The following GPAT3 variants were observed in gnomAD, a reference collection of about 807,000 sequenced individuals.
GPAT3 encodes the protein 1-AGP acyltransferase 9.
In GPAT3, 53 loss-of-function variants were observed where a neutral mutation model predicts 58.8. That is an observed-to-expected ratio of 0.90 (90% CI 0.72 to 1.13). The LOEUF is 1.13. Among genes scored for constraint, GPAT3 ranks in the 50% most tolerant of loss-of-function variants. GPAT3 has a pLI of 0.00. For synonymous variants in GPAT3, 197 were observed against 187.4 expected (o/e 1.05, Z -0.42); for missense variants, 511 against 527.6 (o/e 0.97, Z 0.31).
chr4:83,578,948 T>TTTCTTTC (rs1553946756), intron 2 of GPAT3, among the ~76,000 whole-genome samples: 4,808 of 71,846 alleles, frequency 0.067, 756 homozygotes, highest in South Asian at 0.091. Context: ...TTTTCTTTTC[T>TTTCTTTC]TTTCTTTCTT....
intron 2 of GPAT3, among the ~76,000 whole-genome samples, chr4:83,570,068 A>G (rs1347152213): frequency 1.3e-5 from 2 of 152,170 alleles, no homozygotes; most frequent in East Asian, 3.9e-4. Context: ...TATTGACGAG[A>G]AATATCTTAC....
intron 2 of GPAT3, among the ~76,000 whole-genome samples, chr4:83,569,354 T>TAG (rs1436281777): frequency 6.6e-6 from 1 of 152,208 alleles, no homozygotes; most frequent in Non-Finnish European, 1.5e-5. Flanking sequence ...CCTGGAGTGA[T>TAG]GACTGAGAAG....
intron 1 of GPAT3, among the ~76,000 whole-genome samples, chr4:83,539,959 A>G (rs1276078645): frequency 6.6e-6 from 1 of 152,094 alleles, no homozygotes; most frequent in Middle Eastern, 3.2e-3. Flanking sequence ...GGAATTTGAG[A>G]CCGGCCTAGC....
chr4:83,562,451 T>C lies in GPAT3; in HGVS notation c.208+17849T>C, dbSNP rs1269220773. Among the ~76,000 whole-genome samples, 3 of 150,832 alleles carry C rather than the reference T, an allele frequency of 2.0e-5. No individual in the cohort carries two copies. In the Admixed American group the frequency reaches 2.0e-4, roughly 10 times the overall value. ...TATGAGTGGCATTAGACAGGATGTGTGTGGGAGAAGTGGAGAAAGGAGGCG... is the reference window on the plus strand; with the variant it reads ...TATGAGTGGCATTAGACAGGATGTGCGTGGGAGAAGTGGAGAAAGGAGGCG... On this transcript the variant is annotated intron_variant, in intron 2 of 11. Coordinates refer to ENST00000264409, the MANE Select transcript of GPAT3 (RefSeq NM_032717.5).
At chr4:83,579,107 C>CCT (rs1726002434) in intron 2 of GPAT3, among the ~76,000 whole-genome samples, 1 of 113,078 alleles carries the variant, frequency 8.8e-6, no homozygotes. Context: ...TCCTTCCTTC[C>CCT]TTCCTTCCTT....
rs1178238200 is a variant in GPAT3, at chr4:83,536,555, T to A, written c.-68T>A. 4.5e-6 allele frequency: 7 copies of A among 1,562,954 alleles called. No individual in the cohort carries two copies. Among genetic ancestry groups the A allele is most frequent in the Non-Finnish European group, 4.3e-6 (5 of 1,152,592 alleles). Reference sequence around the variant, plus strand: ...CTCCTGGAGCTCCCGCGGGACTGCCTGGGGACAGGGACTGCTGTGGCGCTC... The same window carrying A: ...CTCCTGGAGCTCCCGCGGGACTGCCAGGGGACAGGGACTGCTGTGGCGCTC... On this transcript the variant is annotated 5_prime_UTR_variant, in exon 1 of 12. Coordinates refer to ENST00000264409, the MANE Select transcript of GPAT3 (RefSeq NM_032717.5).
chr4:83,547,485 C>CT (rs1724584484), intron 2 of GPAT3, among the ~76,000 whole-genome samples: 1 of 151,964 alleles, frequency 6.6e-6, no homozygotes, highest in African/African-American at 2.4e-5. Context: ...ATCTCCTGAC[C>CT]TTGTGATCTG....
intron 7 of GPAT3, among the ~76,000 whole-genome samples, chr4:83,596,523 G>A (rs1216773305): frequency 1.3e-5 from 2 of 152,082 alleles, no homozygotes; most frequent in African/African-American, 2.4e-5. Context: ...TTGGGAGGCT[G>A]AGGAGGGAGG....
intron 1 of GPAT3, among the ~76,000 whole-genome samples, chr4:83,542,574 A>G (rs1332422713): frequency 2.0e-5 from 3 of 152,192 alleles, no homozygotes; most frequent in Admixed American, 6.5e-5. Context: ...CCTGACCTTG[A>G]TGTACGTTTT....
chr4:83,598,180 G>GT lies in GPAT3; in HGVS notation c.1125+2dup. The stretch of plus-strand genomic sequence containing the variant: ...GTACATGCCCCCCATGACCAGAGAG[G>GT]TATTCCTTAGCTAACACTTTATCTA... On this transcript the variant is annotated splice_donor_variant, in intron 10 of 11. Transcript: ENST00000264409. LOFTEE classifies it high-confidence loss of function. 1 of 1,611,864 alleles carries GT rather than the reference G, an allele frequency of 6.2e-7. No homozygotes were observed. The highest frequency in any genetic ancestry group is 8.5e-7 in the Non-Finnish European group (1 of 1,179,368).
intron 2 of GPAT3, among the ~76,000 whole-genome samples, chr4:83,571,019 C>T (rs1310229940): frequency 6.6e-6 from 1 of 152,126 alleles, no homozygotes; most frequent in African/African-American, 2.4e-5. Flanking sequence ...TTTCTGTCAT[C>T]GTCTGTTTTT....
intron 1 of GPAT3, among the ~76,000 whole-genome samples, chr4:83,537,621 G>A (rs1481002604): frequency 2.1e-4 from 30 of 141,226 alleles, no homozygotes; most frequent in East Asian, 6.0e-4. Flanking sequence ...GTGTGTGTGT[G>A]TGTGTATATT....
chr4:83,596,512 C>T (rs1374200959), intron 7 of GPAT3, among the ~76,000 whole-genome samples: 3 of 151,956 alleles, frequency 2.0e-5, no homozygotes, highest in African/African-American at 7.3e-5. Flanking sequence ...GTTCCAGCTA[C>T]TTGGGAGGCT....
intron 2 of GPAT3, 72 bp downstream of exon 2, chr4:83,544,674 T>G: frequency 7.2e-7 from 1 of 1,398,332 alleles, no homozygotes; most frequent in Non-Finnish European, 1.0e-6. Flanking sequence ...CAATTTGAAC[T>G]TGAAATATGC....
chr4:83,551,007 C>T (rs575020702), intron 2 of GPAT3, among the ~76,000 whole-genome samples: 2 of 152,298 alleles, frequency 1.3e-5, no homozygotes, highest in Admixed American at 6.5e-5. Context: ...AGTTCAATCA[C>T]TTTGGAGAGC....
At chr4:83,546,650 ACT>A (rs1327864072) in intron 2 of GPAT3, among the ~76,000 whole-genome samples, 2 of 152,034 alleles carry the variant, frequency 1.3e-5, no homozygotes, top group East Asian at 3.9e-4. Context: ...TTGGAAATTG[ACT>A]CTCACAGTTA....
Position 83,597,494 on chromosome 4 carries a change from C to A in GPAT3, c.975C>A (p.Thr325=). The part of the protein sequence containing the change: ...FKKGSFEIGG[T]IHPVAIKYNP... ...AGGGGAGCTTTGAAATTGGAGGAAC[C>A]ATACATCCAGTTGCAATTAAGGTAA... The change falls in exon 9 of 12, where the codon ACC becomes ACA. Residue 325 remains threonine, a synonymous_variant. Transcript: ENST00000264409. 1 of 1,569,460 alleles carries A rather than the reference C, an allele frequency of 6.4e-7. No individual in the cohort carries two copies. The highest frequency in any genetic ancestry group is 8.7e-7 in the Non-Finnish European group (1 of 1,155,998).
In GPAT3 at chr4:83,590,246, C is replaced by G. The variant is rs553068392; in HGVS notation, c.692C>G (p.Ser231Cys). The G allele has an allele frequency of 6.2e-7, 1 of 1,613,888 alleles. No homozygotes were observed. Among genetic ancestry groups the G allele is most frequent in the Admixed American group, 1.7e-5 (1 of 59,988 alleles). The stretch of plus-strand genomic sequence containing the variant: ...GGCATTTGTGTTGCCAACCATACTT[C>G]CCCCATTGATGTTTTAATCTTGACA... ...KGGICVANHT[S>C]PIDVLILTTD... Residue 231 changes from serine (S) to cysteine (C), a missense_variant, in exon 6 of 12, where the codon TCC (serine) becomes TGC (cysteine). Physicochemically the swap from Ser to Cys is moderately radical, Grantham distance 112 (BLOSUM62 -1). Coordinates refer to ENST00000264409, the MANE Select transcript of GPAT3 (RefSeq NM_032717.5).
chr4:83,556,012 C>T (rs1167269554), intron 2 of GPAT3, among the ~76,000 whole-genome samples: 1 of 152,168 alleles, frequency 6.6e-6, no homozygotes, highest in African/African-American at 2.4e-5. Context: ...AAGCTCCTAA[C>T]AGTTTGTCCT....
Sources: allele counts gnomAD v4.1 joint callset (sites outside exome capture counted in the v4.1 genomes callset), GRCh38; gene constraint gnomAD v4.1.1; transcripts MANE v1.5; gene names NCBI Gene and HGNC (gene_info 2026-07-23, HGNC 2026-07-21).